PRKG1: variants seen among roughly 807,000 people sequenced by gnomAD.
The protein encoded by PRKG1 is cGMP-dependent protein kinase 1.
A neutral mutation model predicts 88.1 loss-of-function variants in PRKG1; 35 were observed. That is an observed-to-expected ratio of 0.40 (90% confidence interval 0.30 to 0.53). PRKG1 has a LOEUF of 0.53. PRKG1 is among the 20% of genes least tolerant of loss of function. The probability of loss-of-function intolerance (pLI) is 0.59; values close to 1 mark genes in which losing one functional copy is unlikely to be tolerated. For synonymous variants in PRKG1, 303 were observed against 292.5 expected, an observed-to-expected ratio of 1.04 and a Z score of -0.37; for missense variants, 540 against 839.8, an observed-to-expected ratio of 0.64 and a Z score of 4.41.
In PRKG1 at chr10:51,859,185, A is replaced by G. The variant is rs564519898; in HGVS notation, c.699-48322A>G. On this transcript the variant is annotated intron_variant, in intron 4 of 17. Coordinates refer to ENST00000373980, the MANE Select transcript of PRKG1 (RefSeq NM_006258.4). ...TAAATTGGCGTTCAAATGTGTATTT[A>G]CACAGATGTTCGGAAGCCCTGAAGT... Among the ~76,000 whole-genome samples the G allele has an allele frequency of 2.8e-3, 422 of 152,354 alleles. 3 individuals are homozygous for G. The highest frequency in any genetic ancestry group is 4.7e-3 in the Non-Finnish European group (318 of 68,030).
intron 9 of PRKG1, among the ~76,000 whole-genome samples, chr10:52,221,166 T>A (rs1840235734): frequency 6.6e-6 from 1 of 152,180 alleles, no homozygotes; most frequent in Admixed American, 6.6e-5. Flanking sequence ...GAGCTTTTTT[T>A]TCATATGATT....
At chr10:52,100,988 A>G (rs1281545184) in intron 7 of PRKG1, among the ~76,000 whole-genome samples, 1 of 152,184 alleles carries the variant, frequency 6.6e-6, no homozygotes, top group African/African-American at 2.4e-5. Context: ...AAGTTCTATT[A>G]AAATTTCTGT....
At chr10:51,439,437 C>T (rs533047792) in intron 2 of PRKG1, among the ~76,000 whole-genome samples, 16 of 151,818 alleles carry the variant, frequency 1.1e-4, no homozygotes, top group Non-Finnish European at 2.4e-4. Context: ...CAAGATAGAT[C>T]TTAGCTTCTC....
chr10:51,825,558 G>A (rs1839862742), intron 4 of PRKG1, among the ~76,000 whole-genome samples: 1 of 152,120 alleles, frequency 6.6e-6, no homozygotes, highest in Non-Finnish European at 1.5e-5. Flanking sequence ...AGTCGATGAT[G>A]CCTTTAGAGA....
chr10:51,615,695 G>T (rs1839033594), intron 3 of PRKG1, among the ~76,000 whole-genome samples: 1 of 149,174 alleles, frequency 6.7e-6, no homozygotes, highest in African/African-American at 2.5e-5. Flanking sequence ...CTTTGACAAA[G>T]TTCTTATTCA....
intron 2 of PRKG1, among the ~76,000 whole-genome samples, chr10:51,412,516 T>C (rs1366052728): frequency 6.6e-6 from 1 of 152,066 alleles, no homozygotes; most frequent in African/African-American, 2.4e-5. Flanking sequence ...TGGTGGTGCA[T>C]GCCTGTAATC....
chr10:51,243,529 A>T (rs1025300196), intron 2 of PRKG1, among the ~76,000 whole-genome samples: 1 of 152,138 alleles, frequency 6.6e-6, no homozygotes, highest in Non-Finnish European at 1.5e-5. Context: ...CCCTGGACTC[A>T]TCGTCTGTAC....
At chr10:51,922,653 C>A (rs191810558) in intron 5 of PRKG1, among the ~76,000 whole-genome samples, 47 of 151,880 alleles carry the variant, frequency 3.1e-4, no homozygotes, top group African/African-American at 1.1e-3. Context: ...CTTCTTTGAG[C>A]CATATGTTAT....
At chr10:51,780,524 A>G (rs1165693667) in intron 3 of PRKG1, among the ~76,000 whole-genome samples, 2 of 152,214 alleles carry the variant, frequency 1.3e-5, no homozygotes, top group Non-Finnish European at 2.9e-5. Context: ...TGATCAAGCA[A>G]ACATTATGCA....
At chr10:52,138,615 T>C (rs961926962) in intron 8 of PRKG1, among the ~76,000 whole-genome samples, 2 of 152,074 alleles carry the variant, frequency 1.3e-5, no homozygotes, top group African/African-American at 4.8e-5. Context: ...AGTGACACTC[T>C]GTGATGTTTT....
At chr10:51,133,761 C>T (rs919994432) in intron 1 of PRKG1, among the ~76,000 whole-genome samples, 4 of 152,076 alleles carry the variant, frequency 2.6e-5, no homozygotes, top group African/African-American at 4.8e-5. Flanking sequence ...AAATCTCACT[C>T]GTGAATTATG....
chr10:51,766,164 A>C (rs1240792457), intron 3 of PRKG1, among the ~76,000 whole-genome samples: 1 of 152,150 alleles, frequency 6.6e-6, no homozygotes, highest in Non-Finnish European at 1.5e-5. Flanking sequence ...AATAAGTGAA[A>C]AAAGAAAGCT....
At chr10:51,090,321 T>C (rs2131863554) in intron 1 of PRKG1, among the ~76,000 whole-genome samples, 1 of 152,268 alleles carries the variant, frequency 6.6e-6, no homozygotes, top group South Asian at 2.1e-4. Flanking sequence ...AGTTCAGTAA[T>C]GACAAGGTCC....
At chr10:51,844,662 C>G (rs1840356956) in intron 4 of PRKG1, among the ~76,000 whole-genome samples, 1 of 152,110 alleles carries the variant, frequency 6.6e-6, no homozygotes. Context: ...ATGTGGTTTA[C>G]TAACAGCAAT....
At chr10:51,994,905 C>A (rs1160931782) in intron 5 of PRKG1, among the ~76,000 whole-genome samples, 1 of 152,154 alleles carries the variant, frequency 6.6e-6, no homozygotes, top group Non-Finnish European at 1.5e-5. Context: ...TAAAGGGAAA[C>A]TTTGATCACT....
intron 5 of PRKG1, among the ~76,000 whole-genome samples, chr10:52,031,077 G>T (rs1845463832): frequency 6.6e-6 from 1 of 151,928 alleles, no homozygotes; most frequent in South Asian, 2.1e-4. Context: ...AAAAAATGCT[G>T]CTCATTATCC....
At chr10:52,042,717 CAAATG>C (rs1461700789) in intron 5 of PRKG1, among the ~76,000 whole-genome samples, 1 of 152,012 alleles carries the variant, frequency 6.6e-6, no homozygotes, top group African/African-American at 2.4e-5. Context: ...CAAAAATAAA[CAAATG>C]AGATTATGTC....
chr10:51,698,816 C>T, intron 3 of PRKG1: 2 of 1,614,146 alleles, frequency 1.2e-6, no homozygotes, highest in Non-Finnish European at 8.5e-7. Context: ...CTTCACAGGT[C>T]TTCTAGCCAA....
At chr10:51,421,822 T>C (rs1418544995) in intron 2 of PRKG1, among the ~76,000 whole-genome samples, 1 of 152,218 alleles carries the variant, frequency 6.6e-6, no homozygotes, top group African/African-American at 2.4e-5. Context: ...AACACTGATA[T>C]GGAAAAATAC....
Sources: gnomAD v4.1 joint callset for allele counts (sites outside exome capture counted in the v4.1 genomes callset) on GRCh38, gnomAD v4.1.1 for gene constraint, MANE v1.5 for transcripts, NCBI Gene and HGNC (gene_info 2026-07-23, HGNC 2026-07-21) for gene names.